PTPRN2: variants seen among roughly 807,000 people sequenced by gnomAD.
PTPRN2 encodes receptor-type tyrosine-protein phosphatase N2.
In PTPRN2, 74 loss-of-function variants were observed where a neutral mutation model predicts 118.8. The ratio of observed to expected loss-of-function variants is 0.62; its 90% CI spans 0.52 to 0.76. The LOEUF is 0.76. PTPRN2 is among the 30% of genes least tolerant of loss of function. PTPRN2 has a pLI of 0.00. For missense variants in PTPRN2, 1,481 were observed against 1,394.4 expected (o/e 1.06, Z -0.99); for synonymous variants, 641 against 608.0 (o/e 1.05, Z -0.80).
chr7:158,312,171 T>G (rs1426429504), intron 3 of PTPRN2, among the ~76,000 whole-genome samples: 1 of 138,624 alleles, frequency 7.2e-6, no homozygotes, highest in African/African-American at 2.8e-5. Flanking sequence ...CACCTGCACA[T>G]GCACTCACAT....
intron 2 of PTPRN2, among the ~76,000 whole-genome samples, chr7:158,441,304 T>C (rs1817142217): frequency 1.8e-5 from 2 of 110,840 alleles, no homozygotes; most frequent in African/African-American, 3.0e-5. Context: ...ATGGTGATAG[T>C]AATGGTGATG....
chr7:158,085,439 G>A (rs111162926), intron 10 of PTPRN2, among the ~76,000 whole-genome samples: 7,288 of 17,426 alleles, frequency 0.42, 1,812 homozygotes, highest in South Asian at 0.68. Context: ...CACCCACGAC[G>A]CCCATCCACA....
intron 11 of PTPRN2, among the ~76,000 whole-genome samples, chr7:157,932,796 G>T (rs2128781365): frequency 6.8e-6 from 1 of 147,824 alleles, no homozygotes; most frequent in South Asian, 2.2e-4. Flanking sequence ...TCACTCCGAT[G>T]GACAGCTTTA....
Position 157,548,965 on chromosome 7 carries a change from G to T in PTPRN2, c.2957C>A (p.Pro986His), listed in dbSNP as rs781434339. 9 of 1,614,016 alleles carry T rather than the reference G, an allele frequency of 5.6e-6. No homozygotes were observed. In the Admixed American group the frequency reaches 6.7e-5, roughly 12 times the overall value. The change falls in exon 22 of 23, where the codon CCC becomes CAC. Residue 986 changes from proline (P) to histidine (H), a missense_variant. By Grantham distance (77) the Pro-to-His change is moderately conservative. Around this residue, in one of 3 missense-constraint regions of PTPRN2, gnomAD observed 362 missense variants for 384.1 expected, o/e 0.94. Coordinates refer to ENST00000389418, the MANE Select transcript of PTPRN2 (RefSeq NM_002847.5). ...CAGTACCTTCGTCTGGACCATGCCGGGTCTCTGGTCCCTCAAGTGCTCCAG... is the reference window on the plus strand; with the variant it reads ...CAGTACCTTCGTCTGGACCATGCCGTGTCTCTGGTCCCTCAAGTGCTCCAG... Reference protein sequence around the residue: ...ATLEHLRDQRPGMVQTKEQFE... With the variant: ...ATLEHLRDQRHGMVQTKEQFE...
At chr7:158,333,969 AAT>A (rs1362033166) in intron 2 of PTPRN2, among the ~76,000 whole-genome samples, 7 of 36,220 alleles carry the variant, frequency 1.9e-4, no homozygotes, top group Admixed American at 3.0e-4. Context: ...TCACACCCAC[AAT>A]CTCACCATAA....
At chr7:158,347,204 G>A (rs1387546297) in intron 2 of PTPRN2, among the ~76,000 whole-genome samples, 2 of 152,152 alleles carry the variant, frequency 1.3e-5, no homozygotes, top group East Asian at 3.8e-4. Context: ...TTTGCCCTGT[G>A]ATTTCTTCTA....
chr7:158,059,342 A>T, intron 11 of PTPRN2, among the ~76,000 whole-genome samples: 1 of 132,694 alleles, frequency 7.5e-6, no homozygotes, highest in East Asian at 2.3e-4. Context: ...CACTGCAGCC[A>T]CACTCCATCT....
intron 11 of PTPRN2, among the ~76,000 whole-genome samples, chr7:158,069,629 CCCA>C (rs1458728994): frequency 6.6e-6 from 1 of 152,174 alleles, no homozygotes; most frequent in East Asian, 1.9e-4. Context: ...CCATTCTTTA[CCCA>C]CAATTGTTGC....
At position 157,857,050 on chromosome 7, in the gene PTPRN2, C is replaced by T. The variant is rs542755612; in HGVS notation, c.1788+41623G>A. ...AAAGCTGCAGTGCCATCAGCTTGGG[C>T]GCCATGAGTGGGAGTCACAGCCGGG... On this transcript the variant is annotated intron_variant, in intron 12 of 22. Coordinates refer to ENST00000389418, the MANE Select transcript of PTPRN2 (RefSeq NM_002847.5). Among the ~76,000 whole-genome samples the T allele has an allele frequency of 5.0e-5, 6 of 120,864 alleles. No individual in the cohort carries two copies. In the South Asian group the frequency reaches 9.5e-4, roughly 19 times the overall value. 79.3% of individuals were successfully genotyped at this position (120,864 alleles called of 152,430 possible).
intron 1 of PTPRN2, among the ~76,000 whole-genome samples, chr7:158,515,697 C>T (rs1048229738): frequency 2.0e-5 from 3 of 152,142 alleles, no homozygotes; most frequent in African/African-American, 7.2e-5. Flanking sequence ...TCCCTCTTCC[C>T]AGTTCCTTCC....
At chr7:157,912,900 A>T (rs1443756327) in intron 11 of PTPRN2, among the ~76,000 whole-genome samples, 1 of 152,194 alleles carries the variant, frequency 6.6e-6, no homozygotes, top group Admixed American at 6.5e-5. Flanking sequence ...TAAGTAGTTT[A>T]TGCTGTCTAC....
At chr7:158,009,552 T>G (rs2128867642) in intron 11 of PTPRN2, among the ~76,000 whole-genome samples, 1 of 152,302 alleles carries the variant, frequency 6.6e-6, no homozygotes, top group Middle Eastern at 3.4e-3. Context: ...AAGGCCAGGA[T>G]TCTTAATAAT....
At chr7:158,270,805 C>G (rs190015504) in intron 3 of PTPRN2, among the ~76,000 whole-genome samples, 3,976 of 21,718 alleles carry the variant, frequency 0.18, 481 homozygotes, top group East Asian at 0.34. Flanking sequence ...GGACCACCCC[C>G]TCACCTGGAC....
intron 3 of PTPRN2, among the ~76,000 whole-genome samples, chr7:158,283,685 G>A (rs772666227): frequency 7.2e-5 from 11 of 152,070 alleles, no homozygotes; most frequent in East Asian, 1.9e-4. Context: ...CACCCCACCC[G>A]CAGCCCTAGT....
chr7:157,879,970 A>T (rs1796023340), intron 12 of PTPRN2, among the ~76,000 whole-genome samples: 1 of 152,066 alleles, frequency 6.6e-6, no homozygotes, highest in African/African-American at 2.4e-5. Context: ...CTTGAGTATT[A>T]TCCACTGCTA....
intron 3 of PTPRN2, among the ~76,000 whole-genome samples, chr7:158,271,606 A>G (rs1370940411): frequency 2.0e-5 from 3 of 152,190 alleles, no homozygotes; most frequent in Non-Finnish European, 2.9e-5. Context: ...AATAAACGTT[A>G]ATAACTCACT....
chr7:158,262,824 C>T (rs1797573220), intron 3 of PTPRN2, among the ~76,000 whole-genome samples: 1 of 147,908 alleles, frequency 6.8e-6, no homozygotes, highest in Non-Finnish European at 1.5e-5. Context: ...TCACACTGCA[C>T]ACATTCACAC....
rs1804184956 is a variant in PTPRN2, at chr7:157,990,657, C to T, written c.1723+90641G>A. Among the ~76,000 whole-genome samples the T allele has an allele frequency of 6.6e-6, 1 of 152,194 alleles. No homozygotes were observed. Among genetic ancestry groups the T allele is most frequent in the East Asian group, 1.9e-4 (1 of 5,184 alleles). The stretch of plus-strand genomic sequence containing the variant: ...GCTGACAGTAGGACATGCTGGTCCC[C>T]TTCCCAGTGAAGTCCCAGGAAACAG... On this transcript the variant is annotated intron_variant, in intron 11 of 22. Transcript: ENST00000389418. This position sits in a 1 kb window ranked among gnomAD's most constrained non-coding sequence, Gnocchi z 4.3.
At chr7:158,407,149 T>C (rs370154360) in intron 2 of PTPRN2, among the ~76,000 whole-genome samples, 28,417 of 98,514 alleles carry the variant, frequency 0.29, 4,007 homozygotes, top group East Asian at 0.56. Flanking sequence ...TCCTGCGTCC[T>C]GGGTCCTGGG....
Sources: allele counts gnomAD v4.1 joint callset (sites outside exome capture counted in the v4.1 genomes callset), GRCh38; gene constraint gnomAD v4.1.1; regional missense constraint gnomAD v4.1.1; non-coding constraint Gnocchi (gnomAD v3.1); transcripts MANE v1.5; gene names NCBI Gene and HGNC (gene_info 2026-07-23, HGNC 2026-07-21).